RAB38: variants seen among roughly 807,000 people sequenced by gnomAD.
The protein encoded by RAB38 is ras-related protein Rab-38.
RAB38 carries 15 observed loss-of-function variants against 18.4 expected under a neutral mutation model. The observed-to-expected ratio is 0.82, with a 90% CI of 0.55 to 1.26. The LOEUF (loss-of-function observed/expected upper bound fraction) is 1.26, where lower values mean the gene tolerates loss of function less well. RAB38 is among the 50% of genes most tolerant of loss of function. The probability of loss-of-function intolerance (pLI) is 0.00; values close to 1 mark genes in which losing one functional copy is unlikely to be tolerated. For missense variants in RAB38, 294 were observed against 267.4 expected, an observed-to-expected ratio of 1.10 and a Z score of -0.69; for synonymous variants, 101 against 104.4, an observed-to-expected ratio of 0.97 and a Z score of 0.20.
the RAB38 span, among the ~76,000 whole-genome samples, chr11:88,033,725 C>CTTTTT: frequency 2.2e-3 from 222 of 101,114 alleles, 17 homozygotes; most frequent in African/African-American, 6.5e-3. Context: ...GTTGTGTTGC[C>CTTTTT]TTTTTTTTTT....
chr11:87,805,084 C>A, the RAB38 span, among the ~76,000 whole-genome samples: 1 of 152,076 alleles, frequency 6.6e-6, no homozygotes. Context: ...CAATATATGC[C>A]CTCCCTCAGA....
At chr11:87,870,293 C>A in the RAB38 span, among the ~76,000 whole-genome samples, 2 of 151,370 alleles carry the variant, frequency 1.3e-5, no homozygotes, top group Admixed American at 1.3e-4. Context: ...CTGTATATGC[C>A]CACAATGTCA....
the RAB38 span, among the ~76,000 whole-genome samples, chr11:87,845,482 A>G: frequency 6.6e-6 from 1 of 152,150 alleles, no homozygotes; most frequent in African/African-American, 2.4e-5. Flanking sequence ...TCAAAAGCAA[A>G]ATGGATATGA....
At chr11:88,089,314 G>A in the RAB38 span, among the ~76,000 whole-genome samples, 3 of 151,526 alleles carry the variant, frequency 2.0e-5, no homozygotes, top group African/African-American at 4.8e-5. Flanking sequence ...TGTTTTTCAC[G>A]TCTTTGCAGT....
At chr11:88,038,578 A>G in the RAB38 span, among the ~76,000 whole-genome samples, 1 of 152,204 alleles carries the variant, frequency 6.6e-6, no homozygotes, top group African/African-American at 2.4e-5. Context: ...TGAGCACACT[A>G]AACTTACTGG....
At chr11:87,930,308 T>A in the RAB38 span, among the ~76,000 whole-genome samples, 3 of 152,162 alleles carry the variant, frequency 2.0e-5, no homozygotes, top group South Asian at 2.1e-4. Flanking sequence ...CATTTCTCTG[T>A]TGGCCAGTGA....
chr11:88,110,314 T>C (rs754154152), downstream of RAB38, among the ~76,000 whole-genome samples: 19 of 151,014 alleles, frequency 1.3e-4, no homozygotes, highest in Non-Finnish European at 2.2e-4. Context: ...TAAGTGGGAG[T>C]TGAACAATGA....
the RAB38 span, among the ~76,000 whole-genome samples, chr11:87,976,457 A>G: frequency 0.12 from 15,535 of 134,276 alleles, 1,516 homozygotes; most frequent in East Asian, 0.35. Flanking sequence ...ATTTATAAAT[A>G]TATATATTTT....
At chr11:87,908,357 A>G in the RAB38 span, among the ~76,000 whole-genome samples, 1 of 152,008 alleles carries the variant, frequency 6.6e-6, no homozygotes, top group Non-Finnish European at 1.5e-5. Flanking sequence ...TGTTATCAGG[A>G]TGCCAAATTC....
At chr11:87,958,702 AT>A in the RAB38 span, among the ~76,000 whole-genome samples, 1 of 152,140 alleles carries the variant, frequency 6.6e-6, no homozygotes, top group Non-Finnish European at 1.5e-5. Flanking sequence ...ATCAAAAGGA[AT>A]TTTTGATGTC....
At chr11:87,851,160 T>A in the RAB38 span, among the ~76,000 whole-genome samples, 2 of 152,166 alleles carry the variant, frequency 1.3e-5, no homozygotes, top group Non-Finnish European at 2.9e-5. Context: ...GTATAATAAT[T>A]AGACACCTCT....
At chr11:87,877,645 G>A in the RAB38 span, among the ~76,000 whole-genome samples, 2 of 151,404 alleles carry the variant, frequency 1.3e-5, no homozygotes, top group Non-Finnish European at 3.0e-5. Context: ...TCTTAGTAAT[G>A]GTGCCTCCAT....
At chr11:88,072,356 C>A in the RAB38 span, among the ~76,000 whole-genome samples, 1 of 151,858 alleles carries the variant, frequency 6.6e-6, no homozygotes. Flanking sequence ...TAATCTGAAA[C>A]AACAAAGAGA....
the RAB38 span, among the ~76,000 whole-genome samples, chr11:87,886,340 C>T: frequency 6.6e-6 from 1 of 151,526 alleles, no homozygotes; most frequent in Non-Finnish European, 1.5e-5. Flanking sequence ...TGTGTGCATG[C>T]ACATGTGCAG....
At chr11:87,934,507 A>T in the RAB38 span, among the ~76,000 whole-genome samples, 1 of 151,674 alleles carries the variant, frequency 6.6e-6, no homozygotes, top group African/African-American at 2.4e-5. Flanking sequence ...ACCCAGTTGA[A>T]TTTATTATTT....
the RAB38 span, among the ~76,000 whole-genome samples, chr11:87,844,813 T>G: frequency 6.6e-6 from 1 of 152,150 alleles, no homozygotes; most frequent in South Asian, 2.1e-4. Context: ...CAAATATGCA[T>G]GGGACAGACC....
intron 2 of RAB38, among the ~76,000 whole-genome samples, chr11:88,129,616 T>C (rs927541419): frequency 6.6e-6 from 1 of 152,032 alleles, no homozygotes; most frequent in African/African-American, 2.4e-5. Flanking sequence ...TCAACTGCAG[T>C]CTGGGCGACA....
At chr11:87,845,526 C>A in the RAB38 span, among the ~76,000 whole-genome samples, 1 of 151,990 alleles carries the variant, frequency 6.6e-6, no homozygotes, top group Non-Finnish European at 1.5e-5. Flanking sequence ...TAAAAAATGA[C>A]CAGCCTCTGG....
the RAB38 span, among the ~76,000 whole-genome samples, chr11:87,967,652 C>T: frequency 6.6e-6 from 1 of 152,078 alleles, no homozygotes; most frequent in Non-Finnish European, 1.5e-5. Flanking sequence ...TGTTTCCTTC[C>T]AGGTGGAGGG....
Sources: allele counts gnomAD v4.1 joint callset (sites outside exome capture counted in the v4.1 genomes callset), GRCh38; gene constraint gnomAD v4.1.1; transcripts MANE v1.5; gene names NCBI Gene and HGNC (gene_info 2026-07-23, HGNC 2026-07-21).